DENND1A: variants seen among roughly 807,000 people sequenced by gnomAD.
The protein encoded by DENND1A is DENN domain containing 1A.
In DENND1A, 51 loss-of-function variants were observed where a neutral mutation model predicts 113.7. That is an observed-to-expected ratio of 0.45 (90% CI 0.36 to 0.57). The LOEUF is 0.57. Ranked by LOEUF, DENND1A falls within the 20% of genes least tolerant of loss-of-function variation. The pLI is 0.00. For synonymous variants in DENND1A, 565 were observed against 570.8 expected, an observed-to-expected ratio of 0.99 and a Z score of 0.14; for missense variants, 1,258 against 1,395.9, an observed-to-expected ratio of 0.90 and a Z score of 1.57.
chr9:123,726,405 T>C (rs543029966), intron 5 of DENND1A, among the ~76,000 whole-genome samples: 1 of 152,206 alleles, frequency 6.6e-6, no homozygotes, highest in African/African-American at 2.4e-5. Context: ...CCACACTCCA[T>C]GCTGCCTCTC....
intron 8 of DENND1A, chr9:123,652,371 C>T (rs572749708): frequency 1.5e-5 from 6 of 389,670 alleles, no homozygotes; most frequent in East Asian, 9.7e-5. Context: ...AACATGAGGT[C>T]GCATCCAGCA....
chr9:123,653,918 G>A (rs1330508234), intron 8 of DENND1A, among the ~76,000 whole-genome samples: 1 of 150,854 alleles, frequency 6.6e-6, no homozygotes, highest in Non-Finnish European at 1.5e-5. Context: ...AAAAACTGGA[G>A]GCTCAGGAAG....
chr9:123,475,246 T>C (rs1023195286), intron 13 of DENND1A, among the ~76,000 whole-genome samples: 4 of 152,200 alleles, frequency 2.6e-5, no homozygotes, highest in African/African-American at 9.7e-5. Flanking sequence ...CTCGAACTCC[T>C]GGCCTCAAGT....
At chr9:123,470,359 G>GACCAGC (rs2049300516) in intron 13 of DENND1A, among the ~76,000 whole-genome samples, 1 of 4,260 alleles carries the variant, frequency 2.3e-4, no homozygotes, top group African/African-American at 5.7e-4. Flanking sequence ...TCAACCACGT[G>GACCAGC]GCCAGCGCCA....
At chr9:123,556,522 T>G (rs2057424530) in intron 13 of DENND1A, among the ~76,000 whole-genome samples, 2 of 152,216 alleles carry the variant, frequency 1.3e-5, no homozygotes, top group Non-Finnish European at 2.9e-5. Context: ...TCACATCCCC[T>G]CATCTTTTGT....
At chr9:123,530,100 G>A (rs538309786) in intron 13 of DENND1A, among the ~76,000 whole-genome samples, 5 of 152,232 alleles carry the variant, frequency 3.3e-5, no homozygotes, top group East Asian at 1.9e-4. Flanking sequence ...GGGAAATGCC[G>A]ACATGTTTAT....
At chr9:123,531,149 A>G (rs936986586) in intron 13 of DENND1A, among the ~76,000 whole-genome samples, 1 of 152,164 alleles carries the variant, frequency 6.6e-6, no homozygotes, top group Non-Finnish European at 1.5e-5. Context: ...TTCCAAAAAA[A>G]TCTTTCTGGG....
At chr9:123,928,521 T>C (rs1239985284) in intron 1 of DENND1A, 1 of 978,172 alleles carries the variant, frequency 1.0e-6, no homozygotes, top group East Asian at 1.1e-4. Context: ...TGGAGCATGC[T>C]TCTAACTTTT....
intron 22 of DENND1A, among the ~76,000 whole-genome samples, chr9:123,387,351 C>T (rs1454623292): frequency 6.6e-6 from 1 of 152,100 alleles, no homozygotes; most frequent in Non-Finnish European, 1.5e-5. Context: ...TTAACTTAAA[C>T]TCTGATTCCC....
intron 2 of DENND1A, among the ~76,000 whole-genome samples, chr9:123,850,670 C>T (rs10818884): frequency 0.072 from 10,951 of 152,176 alleles, 575 homozygotes; most frequent in African/African-American, 0.15. Flanking sequence ...ATTACATAAG[C>T]TCGCCATGCC....
intron 2 of DENND1A, among the ~76,000 whole-genome samples, chr9:123,810,982 C>T (rs1163448159): frequency 1.3e-5 from 2 of 152,052 alleles, no homozygotes; most frequent in African/African-American, 2.4e-5. Context: ...TGGTCTTGAT[C>T]CCCTGACCTC....
chr9:123,798,737 A>C (rs1435798094), intron 2 of DENND1A, among the ~76,000 whole-genome samples: 1 of 151,800 alleles, frequency 6.6e-6, no homozygotes. Flanking sequence ...AAAAAAAAAA[A>C]AAAAAAAAAA....
chr9:123,549,253 G>A (rs1047490129), intron 13 of DENND1A, among the ~76,000 whole-genome samples: 2 of 151,942 alleles, frequency 1.3e-5, no homozygotes, highest in African/African-American at 2.4e-5. Flanking sequence ...TCTTTCTCCC[G>A]GTTTCCTTGC....
intron 13 of DENND1A, among the ~76,000 whole-genome samples, chr9:123,465,455 T>C (rs910884815): frequency 2.0e-5 from 3 of 152,148 alleles, no homozygotes; most frequent in Admixed American, 6.5e-5. Context: ...TGACCCTGAC[T>C]GTACTAGCTA....
chr9:123,489,215 T>C (rs2051153081), intron 13 of DENND1A, among the ~76,000 whole-genome samples: 1 of 152,216 alleles, frequency 6.6e-6, no homozygotes, highest in Admixed American at 6.5e-5. Flanking sequence ...GCAAGTGATC[T>C]GAAGTTAGAA....
intron 11 of DENND1A, among the ~76,000 whole-genome samples, chr9:123,589,737 C>T (rs1368642326): frequency 2.6e-5 from 4 of 151,038 alleles, no homozygotes; most frequent in Admixed American, 6.6e-5. Flanking sequence ...CACAAAATGG[C>T]ACTTTCCCAT....
intron 22 of DENND1A, 74 bp from the exon 23 acceptor site, chr9:123,383,987 C>A: frequency 6.4e-7 from 1 of 1,551,142 alleles, no homozygotes; most frequent in Non-Finnish European, 8.7e-7. Flanking sequence ...CCAGCCCAAG[C>A]ACATTGAGGG....
intron 11 of DENND1A, among the ~76,000 whole-genome samples, chr9:123,605,927 A>G (rs2137562167): frequency 6.6e-6 from 1 of 152,380 alleles, no homozygotes; most frequent in South Asian, 2.1e-4. Flanking sequence ...AGGTGCCTAT[A>G]GCTTTCAAGA....
chr9:123,448,051 C>T (rs1389954970), intron 18 of DENND1A, among the ~76,000 whole-genome samples: 4 of 152,116 alleles, frequency 2.6e-5, no homozygotes, highest in East Asian at 1.9e-4. Flanking sequence ...GTCAACAGTC[C>T]GATGGTGACA....
Sources: gnomAD v4.1 joint callset for allele counts (sites outside exome capture counted in the v4.1 genomes callset) on GRCh38, gnomAD v4.1.1 for gene constraint, MANE v1.5 for transcripts, NCBI Gene and HGNC (gene_info 2026-07-23, HGNC 2026-07-21) for gene names.